The following CENPP variants were observed in gnomAD, a reference collection of about 807,000 sequenced individuals.
CENPP encodes the protein centromere protein P.
Under a neutral mutation model 35.6 loss-of-function variants are expected in CENPP, and 24 were observed. The observed-to-expected ratio is 0.67, with a 90% CI of 0.49 to 0.95. The LOEUF is 0.95. Ranked by LOEUF, CENPP falls within the 40% of genes least tolerant of loss-of-function variation. The probability of loss-of-function intolerance (pLI) is 0.00; values close to 1 mark genes in which losing one functional copy is unlikely to be tolerated. For missense variants in CENPP, 332 were observed against 345.3 expected (o/e 0.96, Z 0.31); for synonymous variants, 120 against 125.5 (o/e 0.96, Z 0.29).
intron 5 of CENPP, among the ~76,000 whole-genome samples, chr9:92,584,001 C>A (rs1209843192): frequency 6.6e-6 from 1 of 152,118 alleles, no homozygotes; most frequent in Admixed American, 6.5e-5. Context: ...CATTACAAGC[C>A]CCATGCAAGC....
chr9:92,580,349 G>A (rs10820993), intron 5 of CENPP, among the ~76,000 whole-genome samples: 65,134 of 151,814 alleles, frequency 0.43, 16,580 homozygotes, highest in African/African-American at 0.71. Flanking sequence ...CTCTTTTTCT[G>A]TTGATTGGAA....
At chr9:92,396,374 T>C (rs1264572914) in intron 5 of CENPP, among the ~76,000 whole-genome samples, 1 of 151,368 alleles carries the variant, frequency 6.6e-6, no homozygotes, top group East Asian at 1.9e-4. Context: ...AGCTTGTTAA[T>C]TAAACAAAAA....
At position 92,616,339 on chromosome 9, in the gene CENPP, A is replaced by G. The variant is rs1851434111; in HGVS notation, c.*3190A>G. 1 of 358,964 alleles carries G rather than the reference A, an allele frequency of 2.8e-6. No homozygotes were observed. Among genetic ancestry groups the G allele is most frequent in the African/African-American group, 2.1e-5 (1 of 48,338 alleles). The allele number at this position is 358,964 out of a possible 1,614,324, so 22.2% of individuals were successfully genotyped here. On this transcript the variant is annotated 3_prime_UTR_variant, in exon 8 of 8. Coordinates refer to ENST00000375587, the MANE Select transcript of CENPP (RefSeq NM_001012267.3). ...AAGCTTCCTCAGGCCAGTGCACCCC[A>G]CCATACCAGGCGAGAGAGGGTTAAA...
intron 4 of CENPP, among the ~76,000 whole-genome samples, chr9:92,378,290 C>T (rs1446189676): frequency 6.6e-6 from 1 of 152,056 alleles, no homozygotes; most frequent in African/African-American, 2.4e-5. Flanking sequence ...ATTGGGGTTC[C>T]CTTCTGCCAG....
intron 1 of CENPP, among the ~76,000 whole-genome samples, chr9:92,326,995 G>A (rs1564257728): frequency 6.6e-6 from 1 of 152,208 alleles, no homozygotes; most frequent in Non-Finnish European, 1.5e-5. Flanking sequence ...TGGTTAAAGG[G>A]AGAGGAAAAA....
At chr9:92,522,211 C>T (rs756864457) in intron 5 of CENPP, among the ~76,000 whole-genome samples, 3 of 152,006 alleles carry the variant, frequency 2.0e-5, no homozygotes, top group South Asian at 4.2e-4. Context: ...CTCAGCCTCC[C>T]GAGTAGCTGG....
chr9:92,550,207 C>A (rs1849558983), intron 5 of CENPP, among the ~76,000 whole-genome samples: 1 of 152,104 alleles, frequency 6.6e-6, no homozygotes, highest in African/African-American at 2.4e-5. Context: ...ACCATCCTGG[C>A]CAACATGGCG....
At chr9:92,457,179 T>C (rs1844905806) in intron 5 of CENPP, 1 of 1,447,996 alleles carries the variant, frequency 6.9e-7, no homozygotes, top group Non-Finnish European at 9.1e-7. Flanking sequence ...CACTTGAGAA[T>C]AGATATTTGC....
At chr9:92,609,215 G>A (rs888948673) in intron 5 of CENPP, among the ~76,000 whole-genome samples, 3 of 152,258 alleles carry the variant, frequency 2.0e-5, no homozygotes, top group Admixed American at 6.5e-5. Context: ...GGTGCAGCTG[G>A]TGCTGCGATG....
At chr9:92,508,708 C>T (rs1482231207) in intron 5 of CENPP, among the ~76,000 whole-genome samples, 1 of 152,086 alleles carries the variant, frequency 6.6e-6, no homozygotes, top group Admixed American at 6.5e-5. Flanking sequence ...TGAGTATTTC[C>T]ATAACTAATC....
chr9:92,443,803 G>C (rs1477502186), intron 5 of CENPP, among the ~76,000 whole-genome samples: 1 of 151,996 alleles, frequency 6.6e-6, no homozygotes, highest in Non-Finnish European at 1.5e-5. Context: ...GGAATTACAG[G>C]TGCACACCAC....
intron 5 of CENPP, chr9:92,496,556 T>C: frequency 6.5e-7 from 1 of 1,540,752 alleles, no homozygotes; most frequent in Non-Finnish European, 8.7e-7. Context: ...AGTTTAACAT[T>C]TGTTAAAAAA....
chr9:92,478,668 G>A (rs376925871), intron 5 of CENPP, among the ~76,000 whole-genome samples: 9 of 152,018 alleles, frequency 5.9e-5, no homozygotes, highest in African/African-American at 2.2e-4. Context: ...GGCCAGGCAG[G>A]TCTTGAACTC....
chr9:92,552,266 C>T (rs1024529856), intron 5 of CENPP, among the ~76,000 whole-genome samples: 2 of 151,402 alleles, frequency 1.3e-5, no homozygotes, highest in Non-Finnish European at 2.9e-5. Context: ...TGGGTTGGTT[C>T]CATGATTTTG....
chr9:92,442,329 C>T (rs923416155), intron 5 of CENPP, among the ~76,000 whole-genome samples: 19 of 135,554 alleles, frequency 1.4e-4, no homozygotes, highest in African/African-American at 4.6e-4. Flanking sequence ...ATCCGGGAGG[C>T]GGAGGTTGCA....
At chr9:92,459,730 C>T in intron 5 of CENPP, 1 of 1,613,478 alleles carries the variant, frequency 6.2e-7, no homozygotes, top group Non-Finnish European at 8.5e-7. Flanking sequence ...GCAAGACTCC[C>T]ATTTTCGATA....
chr9:92,419,956 C>T (rs1244837432), intron 5 of CENPP, among the ~76,000 whole-genome samples: 1 of 152,146 alleles, frequency 6.6e-6, no homozygotes, highest in East Asian at 1.9e-4. Context: ...AGAAACATCT[C>T]AATTTCTTCT....
At chr9:92,375,568 T>C (rs1842106857) in intron 4 of CENPP, among the ~76,000 whole-genome samples, 1 of 152,186 alleles carries the variant, frequency 6.6e-6, no homozygotes, top group South Asian at 2.1e-4. Context: ...AGTGCTGGGA[T>C]TACAGGCGTG....
At chr9:92,386,503 A>G (rs928686985) in intron 5 of CENPP, among the ~76,000 whole-genome samples, 5 of 151,920 alleles carry the variant, frequency 3.3e-5, no homozygotes, top group African/African-American at 1.2e-4. Context: ...TTGATCCTTT[A>G]TGATGGCCAG....
Sources: allele counts gnomAD v4.1 joint callset (sites outside exome capture counted in the v4.1 genomes callset), GRCh38; gene constraint gnomAD v4.1.1; transcripts MANE v1.5; gene names NCBI Gene and HGNC (gene_info 2026-07-23, HGNC 2026-07-21).